The following ALK variants were observed in gnomAD, a reference collection of about 807,000 sequenced individuals.
ALK encodes ALK tyrosine kinase receptor.
A neutral mutation model predicts 163.1 loss-of-function variants in ALK; 74 were observed. The ratio of observed to expected loss-of-function variants is 0.45; its 90% CI spans 0.38 to 0.55. The LOEUF (loss-of-function observed/expected upper bound fraction) is 0.55. ALK is among the 20% of genes least tolerant of loss of function. The pLI is 0.00. For missense variants in ALK, 2,063 were observed against 2,105.3 expected, an observed-to-expected ratio of 0.98 and a Z score of 0.39; for synonymous variants, 960 against 843.2, an observed-to-expected ratio of 1.14 and a Z score of -2.40.
chr2:29,212,117 A>C (rs1056586282), intron 24 of ALK, among the ~76,000 whole-genome samples: 2 of 151,818 alleles, frequency 1.3e-5, no homozygotes, highest in East Asian at 3.9e-4. Context: ...GATAAAAAAC[A>C]AAAGACAAGT....
chr2:29,798,539 C>A (rs949351764), intron 1 of ALK, among the ~76,000 whole-genome samples: 1 of 152,186 alleles, frequency 6.6e-6, no homozygotes, highest in Admixed American at 6.5e-5. Flanking sequence ...TACAAAAACC[C>A]CCGCTCCTCG....
intron 3 of ALK, among the ~76,000 whole-genome samples, chr2:29,576,287 G>C (rs1029161884): frequency 1.3e-5 from 2 of 152,202 alleles, no homozygotes; most frequent in African/African-American, 4.8e-5. Context: ...TGCCCATTAA[G>C]CTCCCAGAGA....
intron 4 of ALK, among the ~76,000 whole-genome samples, chr2:29,463,629 C>G (rs1230082617): frequency 6.6e-6 from 1 of 152,154 alleles, no homozygotes; most frequent in Non-Finnish European, 1.5e-5. Flanking sequence ...AGATTATTGC[C>G]TGGAGGCAGT....
intron 9 of ALK, among the ~76,000 whole-genome samples, chr2:29,278,767 A>G (rs1665609239): frequency 6.6e-6 from 1 of 152,212 alleles, no homozygotes; most frequent in Non-Finnish European, 1.5e-5. Context: ...TCCCTGTGGG[A>G]GCATCAGGAA....
chr2:29,235,777 C>T (rs1421927020), intron 13 of ALK, among the ~76,000 whole-genome samples: 3 of 148,168 alleles, frequency 2.0e-5, no homozygotes, highest in African/African-American at 4.9e-5. Flanking sequence ...ACTGTAGCCA[C>T]GAACTCCTGG....
intron 6 of ALK, among the ~76,000 whole-genome samples, chr2:29,321,908 A>G (rs1296017616): frequency 1.3e-5 from 2 of 152,226 alleles, no homozygotes; most frequent in African/African-American, 4.8e-5. Flanking sequence ...TGAAGAGGTG[A>G]CAGTCAGCTT....
At chr2:29,821,748 A>C (rs1665053789) in intron 1 of ALK, among the ~76,000 whole-genome samples, 1 of 152,144 alleles carries the variant, frequency 6.6e-6, no homozygotes, top group Non-Finnish European at 1.5e-5. Flanking sequence ...GGCCTCCCTC[A>C]GCTGTTCCCA....
intron 4 of ALK, among the ~76,000 whole-genome samples, chr2:29,500,708 T>G (rs1027249260): frequency 1.3e-5 from 2 of 152,116 alleles, no homozygotes; most frequent in Non-Finnish European, 2.9e-5. Flanking sequence ...TAGAGAAGCA[T>G]GTTCCTCTGG....
chr2:29,467,734 C>T (rs4435407), intron 4 of ALK, among the ~76,000 whole-genome samples: 124,741 of 152,128 alleles, frequency 0.82, 51,392 homozygotes, highest in Non-Finnish European at 0.86. Flanking sequence ...TTTCTACACA[C>T]ACTCTCTCAT....
intron 1 of ALK, among the ~76,000 whole-genome samples, chr2:29,735,424 T>C (rs79232623): frequency 0.056 from 8,590 of 152,102 alleles, 875 homozygotes; most frequent in African/African-American, 0.2. Context: ...AACTTAAATA[T>C]CTAGCAATAG....
intron 1 of ALK, among the ~76,000 whole-genome samples, chr2:29,860,394 A>G (rs1031741906): frequency 1.4e-5 from 2 of 146,244 alleles, no homozygotes; most frequent in East Asian, 3.9e-4. Flanking sequence ...GAAAGGGAGA[A>G]AAAAAAAAAA....
At chr2:29,354,136 G>A (rs1445507366) in intron 5 of ALK, among the ~76,000 whole-genome samples, 6 of 152,138 alleles carry the variant, frequency 3.9e-5, no homozygotes, top group Non-Finnish European at 8.8e-5. Context: ...TCATTTCTTT[G>A]TCTTTAAGGG....
intron 1 of ALK, among the ~76,000 whole-genome samples, chr2:29,810,028 C>T (rs1481805508): frequency 1.3e-5 from 2 of 152,152 alleles, no homozygotes; most frequent in Non-Finnish European, 1.5e-5. Context: ...AAAAAGGTAA[C>T]ACAGACAAAG....
chr2:29,222,773 C>T (rs550780234), intron 20 of ALK, among the ~76,000 whole-genome samples, 166 bp from the exon 21 acceptor site: 7 of 152,280 alleles, frequency 4.6e-5, no homozygotes, highest in South Asian at 4.1e-4. Context: ...TATGCAATCT[C>T]GGGCTTCCAG....
intron 1 of ALK, among the ~76,000 whole-genome samples, chr2:29,731,365 C>G (rs531939043): frequency 6.6e-6 from 1 of 152,114 alleles, no homozygotes; most frequent in South Asian, 2.1e-4. Flanking sequence ...CTTCCATGTC[C>G]CCTTCAATCA....
At chr2:29,681,145 TC>T (rs893198412) in intron 3 of ALK, 1 of 152,350 alleles carries the variant, frequency 6.6e-6, no homozygotes, top group African/African-American at 2.4e-5. Flanking sequence ...GTCCAGTTCA[TC>T]CTTTTTTAGG....
chr2:29,207,436 T>C (rs1272049872), intron 25 of ALK, among the ~76,000 whole-genome samples, 164 bp from the exon 26 acceptor site: 3 of 152,206 alleles, frequency 2.0e-5, no homozygotes, highest in Non-Finnish European at 4.4e-5. Flanking sequence ...GGCACACAGA[T>C]CATTTAGTTA....
At chr2:29,261,845 TGA>T (rs1665096725) in intron 11 of ALK, among the ~76,000 whole-genome samples, 1 of 152,200 alleles carries the variant, frequency 6.6e-6, no homozygotes, top group Admixed American at 6.5e-5. Flanking sequence ...GGTGAGGGCA[TGA>T]GAGTGGCCCT....
intron 4 of ALK, among the ~76,000 whole-genome samples, chr2:29,459,590 G>T (rs2148100880): frequency 6.6e-6 from 1 of 152,168 alleles, no homozygotes; most frequent in African/African-American, 2.4e-5. Context: ...TGTGCTGAGG[G>T]AGAATTTTTC....
Sources: gnomAD v4.1 joint callset for allele counts (sites outside exome capture counted in the v4.1 genomes callset) on GRCh38, gnomAD v4.1.1 for gene constraint, MANE v1.5 for transcripts, NCBI Gene and HGNC (gene_info 2026-07-23, HGNC 2026-07-21) for gene names.